The following CACNA1A variants were observed in gnomAD, a reference collection of about 807,000 sequenced individuals.
CACNA1A encodes voltage-dependent P/Q-type calcium channel subunit alpha-1A.
In CACNA1A, 57 loss-of-function variants were observed where a neutral mutation model predicts 262.4. The ratio of observed to expected loss-of-function variants is 0.22; its 90% CI spans 0.18 to 0.27. The LOEUF is 0.27. Ranked by LOEUF, CACNA1A falls within the 10% of genes least tolerant of loss-of-function variation. The pLI is 1.00. For missense variants in CACNA1A, 2,526 were observed against 3,562.8 expected (o/e 0.71, Z 7.41); for synonymous variants, 1,431 against 1,419.3 (o/e 1.01, Z -0.18).
intron 29 of CACNA1A, among the ~76,000 whole-genome samples, chr19:13,254,121 AG>A: frequency 6.6e-6 from 1 of 152,102 alleles, no homozygotes; most frequent in Non-Finnish European, 1.5e-5. Flanking sequence ...CCTCCTCTGG[AG>A]GGGGCAAATG....
chr19:13,358,863 T>A (rs139385271), intron 6 of CACNA1A, among the ~76,000 whole-genome samples: 16 of 152,344 alleles, frequency 1.1e-4, no homozygotes, highest in Non-Finnish European at 2.4e-4. Flanking sequence ...AATCCGGATA[T>A]CTGCACTGGG....
At chr19:13,404,245 T>A (rs2059962281) in intron 3 of CACNA1A, among the ~76,000 whole-genome samples, 1 of 152,092 alleles carries the variant, frequency 6.6e-6, no homozygotes, top group Admixed American at 6.5e-5. Context: ...TATATGTTTC[T>A]GTTAAGGAAA....
chr19:13,431,025 C>T (rs894109910), intron 3 of CACNA1A, among the ~76,000 whole-genome samples: 6 of 151,048 alleles, frequency 4.0e-5, no homozygotes, highest in African/African-American at 1.5e-4. Flanking sequence ...TAGCTGAAGC[C>T]GAGTGAGTGG....
chr19:13,372,439 TG>T (rs1455758740), intron 3 of CACNA1A, among the ~76,000 whole-genome samples: 1 of 152,188 alleles, frequency 6.6e-6, no homozygotes, highest in Non-Finnish European at 1.5e-5. Flanking sequence ...CCCAAAGTGC[TG>T]GGATTACAGG....
At chr19:13,497,276 C>G (rs1981644677) in intron 1 of CACNA1A, among the ~76,000 whole-genome samples, 1 of 151,242 alleles carries the variant, frequency 6.6e-6, no homozygotes, top group African/African-American at 2.4e-5. Flanking sequence ...AGTACACAGA[C>G]TAAAATTAAC....
At chr19:13,263,001 T>C (rs1184330988) in intron 24 of CACNA1A, 168 bp from the exon 25 acceptor site, 3 of 617,410 alleles carry the variant, frequency 4.9e-6, no homozygotes, top group East Asian at 5.7e-5. Flanking sequence ...ATTTCACCTG[T>C]TAAGCTTGGG....
chr19:13,495,818 A>G (rs1981434994), intron 1 of CACNA1A, among the ~76,000 whole-genome samples: 1 of 151,560 alleles, frequency 6.6e-6, no homozygotes, highest in African/African-American at 2.4e-5. Context: ...TTACCCCTCA[A>G]TCCAGTCTAG....
chr19:13,237,452 G>A (rs1401687170), intron 31 of CACNA1A, among the ~76,000 whole-genome samples: 1 of 152,168 alleles, frequency 6.6e-6, no homozygotes, highest in Non-Finnish European at 1.5e-5. Context: ...TAGTTTGGGT[G>A]ACATGGGCAT....
rs1175460628 is a variant in CACNA1A, at chr19:13,212,706, G to A, written c.5975C>T (p.Pro1992Leu). Residue 1992 changes from proline (P) to leucine (L), a missense_variant, in exon 41 of 47, where the codon CCC becomes CTC. Pro to Leu is a moderately conservative substitution (Grantham distance 98, BLOSUM62 -3). This residue lies in a region of CACNA1A where 929 missense variants were observed against 868.1 expected (regional missense o/e 1.07). Transcript: ENST00000360228. This position sits in a 1 kb window ranked among gnomAD's most constrained non-coding sequence, Gnocchi z 5.6. ...TCCCCCTTCCTGCGTTGGGGACGGG[G>A]GCTCCATGCGCTGGAACATGAGGGG... ...RTPLMFQRMEPPSPTQEGGPG... is the reference protein window; with the variant it reads ...RTPLMFQRMELPSPTQEGGPG... The A allele has an allele frequency of 1.3e-6, 2 of 1,509,320 alleles. No homozygotes were observed. Among genetic ancestry groups the A allele is most frequent in the South Asian group, 1.4e-5 (1 of 73,788 alleles). 93.5% of individuals were successfully genotyped at this position (1,509,320 alleles called of 1,614,324 possible). A position where few individuals can be genotyped will look rare whatever the true frequency, so the allele number is the denominator to read the frequency against.
intron 38 of CACNA1A, among the ~76,000 whole-genome samples, chr19:13,219,077 C>T (rs966563984): frequency 2.2e-4 from 27 of 122,640 alleles, no homozygotes; most frequent in Middle Eastern, 0.014. Context: ...TAGAGTCTCA[C>T]TCTGTCCAGC....
rs192693249 is a variant in CACNA1A at position 13,286,357 on chromosome 19, G to C, written c.3553+146C>G. Reference sequence around the variant, plus strand: ...CACTGAACCCTCCACAGCCCTGTGGGGTAGGAAACTACGCCTATGCCCATT... The same window carrying C: ...CACTGAACCCTCCACAGCCCTGTGGCGTAGGAAACTACGCCTATGCCCATT... On this transcript the variant is annotated intron_variant, in intron 20 of 46. Transcript: ENST00000360228. The C allele has an allele frequency of 4.1e-5, 19 of 462,994 alleles. No individual in the cohort carries two copies. In the Admixed American group the frequency reaches 6.9e-4, roughly 17 times the overall value. 28.7% of individuals were successfully genotyped at this position (462,994 alleles called of 1,614,324 possible).
At chr19:13,302,010 C>G (rs1439232116) in intron 17 of CACNA1A, among the ~76,000 whole-genome samples, 1 of 152,120 alleles carries the variant, frequency 6.6e-6, no homozygotes, top group Non-Finnish European at 1.5e-5. Flanking sequence ...AGTGCTGGGC[C>G]CTGGAATCTG....
intron 27 of CACNA1A, chr19:13,258,483 G>A (rs1458313882): frequency 6.6e-6 from 1 of 152,232 alleles, no homozygotes; most frequent in Non-Finnish European, 1.5e-5. Context: ...TTTTTGGCAG[G>A]TGGTCCTTCA....
chr19:13,233,949 C>A (rs1343952064), intron 34 of CACNA1A, among the ~76,000 whole-genome samples: 2 of 151,446 alleles, frequency 1.3e-5, no homozygotes, highest in Admixed American at 1.3e-4. Flanking sequence ...CCCTGCCTGG[C>A]ATGCTGTAGG....
In CACNA1A at chr19:13,214,652, TCA is replaced by T; in HGVS notation, c.5732-46_5732-45del. The T allele has an allele frequency of 6.8e-7, 1 of 1,473,298 alleles. No individual in the cohort carries two copies. The allele number at this position is 1,473,298 out of a possible 1,614,324, so 91.3% of individuals were successfully genotyped here. On this transcript the variant is annotated intron_variant, in intron 38 of 46. Coordinates refer to ENST00000360228, the MANE Select transcript of CACNA1A (RefSeq NM_001127222.2). This position sits in a 1 kb window ranked among gnomAD's most constrained non-coding sequence, Gnocchi z 4.1. ...CAGACCCTGACTGCCTGCCTGGGTGTCAGCTGGACTCTGGGTCAGCTGCAAAG... is the reference window on the plus strand; with the variant it reads ...CAGACCCTGACTGCCTGCCTGGGTGTGCTGGACTCTGGGTCAGCTGCAAAG...
chr19:13,422,982 C>G (rs1326256884), intron 3 of CACNA1A, among the ~76,000 whole-genome samples: 1 of 152,196 alleles, frequency 6.6e-6, no homozygotes, highest in Non-Finnish European at 1.5e-5. Context: ...TAAACCATAA[C>G]TGAATTTCAC....
intron 34 of CACNA1A, among the ~76,000 whole-genome samples, chr19:13,233,187 C>A (rs1449311179): frequency 2.6e-5 from 4 of 152,006 alleles, no homozygotes; most frequent in Non-Finnish European, 5.9e-5. Flanking sequence ...TGCCTCAGGG[C>A]CTTTACACAG....
rs2057959173 is a variant in CACNA1A at position 13,308,822 on chromosome 19, G to A, written c.1669-294C>T. ...CTCTTGAGTAGCTGGGATTACAGGT[G>A]TGCCCCACCACATCTGGCTAATTTT... On this transcript the variant is annotated intron_variant, in intron 12 of 46. Transcript: ENST00000360228. The surrounding 1 kb of genome is among the most constrained non-coding windows in gnomAD (Gnocchi z 4.2). 4.1e-6 allele frequency: 1 copy of A among 241,252 alleles called. No homozygotes were observed. Among genetic ancestry groups the A allele is most frequent in the Non-Finnish European group, 8.0e-6 (1 of 125,732 alleles). The allele number at this position is 241,252 out of a possible 1,614,324, so 14.9% of individuals were successfully genotyped here. A position where few individuals can be genotyped will look rare whatever the true frequency, so the allele number is the denominator to read the frequency against.
rs1264748138 is a variant in CACNA1A, at chr19:13,227,296, C to A, written c.5625+135G>T. 4 of 456,292 alleles carry A rather than the reference C, an allele frequency of 8.8e-6. No individual in the cohort carries two copies. In the East Asian group the frequency reaches 1.4e-4, roughly 16 times the overall value. The allele number at this position is 456,292 out of a possible 1,614,324, so 28.3% of individuals were successfully genotyped here. ...GACTCGAGAAAAGAAAAAAAAGAAT[C>A]AAAAACAAAAAAGAAGAGAAACGTT... On this transcript the variant is annotated intron_variant, in intron 37 of 46. Transcript: ENST00000360228.
Sources: gnomAD v4.1 joint callset for allele counts (sites outside exome capture counted in the v4.1 genomes callset) on GRCh38, gnomAD v4.1.1 for gene constraint, gnomAD v4.1.1 regional missense constraint, Gnocchi (gnomAD v3.1) non-coding constraint, MANE v1.5 for transcripts, NCBI Gene and HGNC (gene_info 2026-07-23, HGNC 2026-07-21) for gene names.